Variants in BMP6 observed in about 807,000 individuals in gnomAD.
The protein encoded by BMP6 is VG-1-R.
BMP6 carries 17 observed loss-of-function variants against 54.1 expected under a neutral mutation model. The observed-to-expected ratio is 0.31, with a 90% CI of 0.22 to 0.47. The LOEUF (loss-of-function observed/expected upper bound fraction) is 0.47. BMP6 is among the 20% of genes least tolerant of loss of function. The pLI is 1.00. For missense variants in BMP6, 720 were observed against 690.4 expected, an observed-to-expected ratio of 1.04 and a Z score of -0.48; for synonymous variants, 328 against 291.2, an observed-to-expected ratio of 1.13 and a Z score of -1.28.
intron 1 of BMP6, among the ~76,000 whole-genome samples, chr6:7,816,666 A>G (rs1025044569): frequency 2.6e-5 from 4 of 152,176 alleles, no homozygotes; most frequent in African/African-American, 4.8e-5. Context: ...TGGTTTGTTT[A>G]TTAATTAAAC....
At chr6:7,779,314 A>T (rs965266836) in intron 1 of BMP6, among the ~76,000 whole-genome samples, 1 of 151,516 alleles carries the variant, frequency 6.6e-6, no homozygotes, top group Non-Finnish European at 1.5e-5. Flanking sequence ...TAAGATTTTA[A>T]TTTGTAAACT....
At chr6:7,838,811 A>G (rs1037555023) in intron 1 of BMP6, among the ~76,000 whole-genome samples, 18 of 152,000 alleles carry the variant, frequency 1.2e-4, no homozygotes, top group South Asian at 2.1e-4. Flanking sequence ...GCGTGGTGGC[A>G]GGCGCCTGGA....
intron 1 of BMP6, among the ~76,000 whole-genome samples, chr6:7,825,879 C>T (rs149177139): frequency 1.3e-5 from 2 of 152,284 alleles, no homozygotes; most frequent in African/African-American, 4.8e-5. Context: ...CAGAATATTC[C>T]CCAGTCTTCT....
At chr6:7,772,059 A>AAAC (rs2113156334) in intron 1 of BMP6, among the ~76,000 whole-genome samples, 1 of 151,432 alleles carries the variant, frequency 6.6e-6, no homozygotes, top group African/African-American at 2.4e-5. Flanking sequence ...CTCAAAAAAA[A>AAAC]AAACCAAAAA....
intron 1 of BMP6, among the ~76,000 whole-genome samples, chr6:7,813,557 C>A (rs1217852788): frequency 4.5e-5 from 6 of 132,570 alleles, no homozygotes; most frequent in African/African-American, 1.7e-4. Context: ...GTGGGAGAAT[C>A]ATTTGAGCCC....
intron 1 of BMP6, among the ~76,000 whole-genome samples, chr6:7,791,159 G>A (rs747520792): frequency 6.6e-6 from 1 of 152,202 alleles, no homozygotes; most frequent in East Asian, 1.9e-4. Flanking sequence ...ATGGTCACTT[G>A]TATGAGAGGA....
chr6:7,865,920 G>A (rs1382255362), intron 4 of BMP6, among the ~76,000 whole-genome samples: 2 of 152,192 alleles, frequency 1.3e-5, no homozygotes, highest in Non-Finnish European at 2.9e-5. Flanking sequence ...CTGTCATCAG[G>A]GTGAAACGTG....
chr6:7,793,040 C>T (rs1387697718), intron 1 of BMP6, among the ~76,000 whole-genome samples: 1 of 150,894 alleles, frequency 6.6e-6, no homozygotes, highest in African/African-American at 2.4e-5. Flanking sequence ...GTTTGTCTCA[C>T]TTGTCCCACT....
At chr6:7,811,023 G>GT (rs1758428357) in intron 1 of BMP6, among the ~76,000 whole-genome samples, 1 of 152,188 alleles carries the variant, frequency 6.6e-6, no homozygotes, top group South Asian at 2.1e-4. Context: ...GTACCCCCAT[G>GT]TGGCCCCCAG....
intron 1 of BMP6, among the ~76,000 whole-genome samples, chr6:7,797,577 C>A (rs1014356685): frequency 1.3e-5 from 2 of 152,148 alleles, no homozygotes; most frequent in Non-Finnish European, 2.9e-5. Flanking sequence ...CATCCAACTG[C>A]AAATGGCGAC....
intron 1 of BMP6, among the ~76,000 whole-genome samples, chr6:7,728,151 G>T (rs1029252026): frequency 6.6e-6 from 1 of 152,024 alleles, no homozygotes; most frequent in Admixed American, 6.6e-5. Context: ...ATGTTTAGAG[G>T]TATCCACGGC....
chr6:7,786,067 G>A (rs1023215706), intron 1 of BMP6, among the ~76,000 whole-genome samples: 3 of 152,228 alleles, frequency 2.0e-5, no homozygotes, highest in East Asian at 1.9e-4. Context: ...CAGAAGCCCC[G>A]GCCTCCTAGT....
chr6:7,746,999 T>C (rs9505274), intron 1 of BMP6, among the ~76,000 whole-genome samples: 13,089 of 152,212 alleles, frequency 0.086, 690 homozygotes, highest in African/African-American at 0.15. Flanking sequence ...TCAGTGCCAG[T>C]TCAAACCGGT....
intron 2 of BMP6, among the ~76,000 whole-genome samples, chr6:7,857,814 T>TTG (rs1759271669): frequency 6.6e-6 from 1 of 152,196 alleles, no homozygotes; most frequent in Non-Finnish European, 1.5e-5. Context: ...AATATCTGAG[T>TTG]TGTTGGAAGC....
At chr6:7,879,683 A>C (rs1759679534) in intron 5 of BMP6, among the ~76,000 whole-genome samples, 1 of 152,120 alleles carries the variant, frequency 6.6e-6, no homozygotes, top group African/African-American at 2.4e-5. Context: ...CTTCCGCAGG[A>C]GCACCGTGGG....
At chr6:7,779,161 A>G (rs886551785) in intron 1 of BMP6, among the ~76,000 whole-genome samples, 10 of 152,316 alleles carry the variant, frequency 6.6e-5, no homozygotes, top group African/African-American at 2.4e-4. Context: ...GGCCCAGGCT[A>G]TAGCCCAGCA....
intron 1 of BMP6, among the ~76,000 whole-genome samples, chr6:7,771,347 C>T (rs270391): frequency 0.71 from 107,626 of 152,066 alleles, 40,075 homozygotes; most frequent in Non-Finnish European, 0.84. Context: ...GGGACTCTAC[C>T]GGCCTCTGCC....
chr6:7,838,001 T>A (rs1450707919), intron 1 of BMP6, among the ~76,000 whole-genome samples: 1 of 152,040 alleles, frequency 6.6e-6, no homozygotes, highest in African/African-American at 2.4e-5. Context: ...GTATATTACT[T>A]CTTGAAAAGA....
chr6:7,784,831 G>C (rs1226656872), intron 1 of BMP6, among the ~76,000 whole-genome samples: 1 of 152,186 alleles, frequency 6.6e-6, no homozygotes, highest in African/African-American at 2.4e-5. Flanking sequence ...GAGCTTGGCA[G>C]CCTTCTACCT....
Sources: gnomAD v4.1 joint callset for allele counts (sites outside exome capture counted in the v4.1 genomes callset) on GRCh38, gnomAD v4.1.1 for gene constraint, MANE v1.5 for transcripts, NCBI Gene and HGNC (gene_info 2026-07-23, HGNC 2026-07-21) for gene names.